Variants in ACSS3 observed in about 807,000 individuals in gnomAD.
ACSS3 encodes the protein acyl-CoA synthetase short chain family member 3.
A neutral mutation model predicts 84.2 loss-of-function variants in ACSS3; 64 were observed. The ratio of observed to expected loss-of-function variants is 0.76; its 90% CI spans 0.62 to 0.94. The LOEUF (loss-of-function observed/expected upper bound fraction) is 0.94, where lower values mean the gene tolerates loss of function less well. Ranked by LOEUF, ACSS3 falls within the 40% of genes least tolerant of loss-of-function variation. The pLI, the probability that ACSS3 is intolerant of heterozygous loss-of-function variation, is 0.00. For synonymous variants in ACSS3, 317 were observed against 310.1 expected, an observed-to-expected ratio of 1.02 and a Z score of -0.23; for missense variants, 815 against 867.6, an observed-to-expected ratio of 0.94 and a Z score of 0.76.
intron 7 of ACSS3, among the ~76,000 whole-genome samples, chr12:81,164,233 G>A (rs7966332): frequency 0.65 from 98,468 of 151,970 alleles, 32,574 homozygotes; most frequent in Non-Finnish European, 0.73. Flanking sequence ...TTGTGATACA[G>A]TTGTCTACAG....
chr12:81,125,795 A>G (rs1885050478), intron 2 of ACSS3: 1 of 152,184 alleles, frequency 6.6e-6, no homozygotes, highest in Admixed American at 6.5e-5. Context: ...TTGTTCCACT[A>G]GCGTCTCAAA....
intron 10 of ACSS3, 61 bp downstream of exon 10, chr12:81,217,057 G>T: frequency 2.2e-6 from 3 of 1,352,454 alleles, no homozygotes; most frequent in Non-Finnish European, 3.1e-6. Context: ...TGCATCTAGT[G>T]TGTATTATGT....
intron 8 of ACSS3, among the ~76,000 whole-genome samples, chr12:81,178,325 G>A (rs2062196641): frequency 7.0e-6 from 1 of 142,414 alleles, no homozygotes. Context: ...GGGATGGGGG[G>A]AGGGGGCAGG....
chr12:81,176,348 G>A (rs1312967108), intron 8 of ACSS3, among the ~76,000 whole-genome samples: 1 of 152,126 alleles, frequency 6.6e-6, no homozygotes, highest in Non-Finnish European at 1.5e-5. Flanking sequence ...GAAGGCCGAG[G>A]CAGGTGGATC....
At chr12:81,152,711 A>T (rs937927679) in intron 7 of ACSS3, among the ~76,000 whole-genome samples, 5 of 152,198 alleles carry the variant, frequency 3.3e-5, no homozygotes, top group African/African-American at 1.2e-4. Context: ...TACCTATCAG[A>T]TCTGTAGAAG....
intron 2 of ACSS3, among the ~76,000 whole-genome samples, chr12:81,117,748 T>C (rs1884169926): frequency 6.6e-6 from 1 of 152,112 alleles, no homozygotes; most frequent in South Asian, 2.1e-4. Flanking sequence ...GTAGATAACA[T>C]TGGAAACAAG....
chr12:81,213,151 T>C (rs535842644), intron 9 of ACSS3, among the ~76,000 whole-genome samples: 2 of 152,292 alleles, frequency 1.3e-5, no homozygotes, highest in South Asian at 4.1e-4. Flanking sequence ...TGCTAGCCAC[T>C]TAATTACAGC....
intron 13 of ACSS3, among the ~76,000 whole-genome samples, chr12:81,242,932 C>T (rs2033858108): frequency 1.3e-5 from 2 of 152,086 alleles, no homozygotes; most frequent in South Asian, 4.1e-4. Flanking sequence ...GGAAGCATTC[C>T]CTTTGCAAAC....
At chr12:81,098,382 G>A (rs1309139399) in intron 1 of ACSS3, among the ~76,000 whole-genome samples, 3 of 151,988 alleles carry the variant, frequency 2.0e-5, no homozygotes, top group Non-Finnish European at 4.4e-5. Context: ...AAGTGTTTTG[G>A]GTCCTTATTT....
intron 9 of ACSS3, among the ~76,000 whole-genome samples, chr12:81,214,327 G>A (rs1035039645): frequency 2.0e-5 from 3 of 152,008 alleles, no homozygotes; most frequent in Non-Finnish European, 4.4e-5. Flanking sequence ...CGCCCAGCCA[G>A]CAATAGTTCT....
chr12:81,233,367 G>A lies in ACSS3; in HGVS notation c.1615G>A (p.Asp539Asn). Residue 539 changes from aspartate to asparagine, a missense_variant, in exon 13 of 16, where the codon GAT (aspartate) becomes AAT (asparagine). Transcript: ENST00000548058. ...EKFPGYYDTM[D>N]AGYMDEEGYL... ...TTTTCAGGGATATTATGATACCATG[G>A]ATGCTGGTTACATGGATGAAGAAGG... 1.2e-6 allele frequency: 2 copies of A among 1,610,384 alleles called. No individual in the cohort carries two copies. Among genetic ancestry groups the A allele is most frequent in the Non-Finnish European group, 1.7e-6 (2 of 1,177,434 alleles).
chr12:81,128,877 A>T (rs1885292777), intron 2 of ACSS3, among the ~76,000 whole-genome samples: 1 of 152,192 alleles, frequency 6.6e-6, no homozygotes, highest in Admixed American at 6.5e-5. Context: ...AGTTCCAATA[A>T]TACTTTATTT....
At chr12:81,132,604 A>C (rs1885577383) in intron 2 of ACSS3, among the ~76,000 whole-genome samples, 1 of 152,130 alleles carries the variant, frequency 6.6e-6, no homozygotes, top group African/African-American at 2.4e-5. Context: ...GATTTTTTGA[A>C]GGAAATTTTG....
chr12:81,140,607 T>C (rs1886046658), intron 4 of ACSS3, among the ~76,000 whole-genome samples: 1 of 152,226 alleles, frequency 6.6e-6, no homozygotes, highest in Admixed American at 6.5e-5. Flanking sequence ...CATGAACTGC[T>C]GCACTTAATG....
Position 81,174,764 on chromosome 12 carries a change from C to T in ACSS3, c.1099-24C>T, listed in dbSNP as rs180853856. On this transcript the variant is annotated intron_variant, in intron 7 of 15. Coordinates refer to ENST00000548058, the MANE Select transcript of ACSS3 (RefSeq NM_024560.4). ...AAATATGACACATTTTATCCAGTGA[C>T]ATTTTAAATGAATCTCATTGTAGGG... The T allele has an allele frequency of 8.1e-5, 130 of 1,604,070 alleles. 1 individual carries two copies. The highest frequency in any genetic ancestry group is 2.9e-4 in the Admixed American group (17 of 59,616).
At position 81,259,420 on chromosome 12, in the gene ACSS3, C is replaced by G. The variant is rs958434776; in HGVS notation, c.*4498C>G. 2.3e-5 allele frequency: 15 copies of G among 659,618 alleles called. No individual in the cohort carries two copies. The highest frequency in any genetic ancestry group is 3.6e-5 in the Non-Finnish European group (13 of 365,618). 40.9% of individuals were successfully genotyped at this position (659,618 alleles called of 1,614,324 possible). A position where few individuals can be genotyped will look rare whatever the true frequency, so the allele number is the denominator to read the frequency against. The stretch of plus-strand genomic sequence containing the variant: ...AACTGGCTTCATTTCATAAAAGCAT[C>G]TGTTGTACAGAGTTTATGATGTAGA... On this transcript the variant is annotated 3_prime_UTR_variant, in exon 16 of 16. Coordinates refer to ENST00000548058, the MANE Select transcript of ACSS3 (RefSeq NM_024560.4).
chr12:81,102,403 G>A (rs952936274), intron 1 of ACSS3, among the ~76,000 whole-genome samples: 4 of 152,130 alleles, frequency 2.6e-5, no homozygotes, highest in Non-Finnish European at 5.9e-5. Context: ...AGAAAAGTTT[G>A]TGTGATGTCT....
chr12:81,223,937 A>G (rs989117775), intron 11 of ACSS3, among the ~76,000 whole-genome samples: 1 of 151,954 alleles, frequency 6.6e-6, no homozygotes, highest in African/African-American at 2.4e-5. Flanking sequence ...TTCCAGGGTG[A>G]TGGACATCCT....
rs556954679 is a variant in ACSS3, at chr12:81,235,280, G to C, written c.1719+1809G>C. On this transcript the variant is annotated intron_variant, in intron 13 of 15. Transcript: ENST00000548058. ...ATATCTTTCTATTTCATTGATCTAT[G>C]TTTTTTTTATGATGATCATGGAAAA... 3.9e-3 allele frequency among the ~76,000 whole-genome samples: 591 copies of C among 150,454 alleles called. 1 individual carries two copies. Among genetic ancestry groups the C allele is most frequent in the Middle Eastern group, 0.01 (3 of 292 alleles).
Sources: allele counts gnomAD v4.1 joint callset (sites outside exome capture counted in the v4.1 genomes callset), GRCh38; gene constraint gnomAD v4.1.1; transcripts MANE v1.5; gene names NCBI Gene and HGNC (gene_info 2026-07-23, HGNC 2026-07-21).